Variants in NXN observed in about 807,000 individuals in gnomAD.
NXN encodes nucleoredoxin, also known as nucleoredoxin 1.
Under a neutral mutation model 48.6 loss-of-function variants are expected in NXN, and 16 were observed. The observed-to-expected ratio is 0.33, with a 90% CI of 0.22 to 0.50. NXN has a LOEUF of 0.50. NXN is among the 20% of genes least tolerant of loss of function. The probability of loss-of-function intolerance (pLI) is 0.98; values close to 1 mark genes in which losing one functional copy is unlikely to be tolerated. For missense variants in NXN, 492 were observed against 605.5 expected, an observed-to-expected ratio of 0.81 and a Z score of 1.97; for synonymous variants, 281 against 269.6, an observed-to-expected ratio of 1.04 and a Z score of -0.41.
chr17:969,622 C>T (rs1004613887), intron 1 of NXN, among the ~76,000 whole-genome samples: 1 of 152,150 alleles, frequency 6.6e-6, no homozygotes, highest in African/African-American at 2.4e-5. Context: ...AAATGAGTAA[C>T]AGATGAGGCA....
At chr17:869,720 C>T (rs1405939766) in intron 1 of NXN, among the ~76,000 whole-genome samples, 1 of 152,214 alleles carries the variant, frequency 6.6e-6, no homozygotes, top group Non-Finnish European at 1.5e-5. Context: ...GGAGGGAAGG[C>T]GGACGTGGTC....
intron 1 of NXN, among the ~76,000 whole-genome samples, chr17:827,499 T>C (rs1470743080): frequency 6.6e-6 from 1 of 152,136 alleles, no homozygotes. Context: ...GGCGGGCGCC[T>C]GTAGTCCCAG....
At chr17:972,426 G>A (rs972858897) in intron 1 of NXN, among the ~76,000 whole-genome samples, 9 of 151,752 alleles carry the variant, frequency 5.9e-5, no homozygotes, top group South Asian at 4.2e-4. Flanking sequence ...GCAGTGAGCC[G>A]AGATCGCGCC....
chr17:891,823 A>G (rs1287693538), intron 1 of NXN, among the ~76,000 whole-genome samples: 3 of 60,842 alleles, frequency 4.9e-5, no homozygotes, highest in African/African-American at 1.0e-4. Context: ...GCACAACCCA[A>G]CAAGGAACTA....
Position 826,189 on chromosome 17 carries a change from C to T in NXN, c.361-111G>A, listed in dbSNP as rs930199172. 14 of 789,020 alleles carry T rather than the reference C, an allele frequency of 1.8e-5. No individual in the cohort carries two copies. The African/African-American group carries it at 2.2e-4, about 12-fold the overall frequency. 48.9% of individuals were successfully genotyped at this position (789,020 alleles called of 1,614,324 possible). Reference sequence around the variant, plus strand: ...GGATGAACAGGCAAGCATTCAAGCACACAGAAAAGAATAATGGATGCCAAG... The same window carrying T: ...GGATGAACAGGCAAGCATTCAAGCATACAGAAAAGAATAATGGATGCCAAG... On this transcript the variant is annotated intron_variant, in intron 1 of 7. Coordinates refer to ENST00000336868, the MANE Select transcript of NXN (RefSeq NM_022463.5).
chr17:931,312 G>A (rs1420436818), intron 1 of NXN, among the ~76,000 whole-genome samples: 2 of 150,634 alleles, frequency 1.3e-5, no homozygotes, highest in Admixed American at 1.3e-4. Context: ...AATTAGCTGG[G>A]TGTGGTGGTG....
chr17:910,869 T>C (rs924342059), intron 1 of NXN: 9 of 152,106 alleles, frequency 5.9e-5, no homozygotes, highest in Non-Finnish European at 1.3e-4. Flanking sequence ...CACACAGGGA[T>C]GTAACAGGCG....
chr17:927,782 G>T (rs2068816179), intron 1 of NXN, among the ~76,000 whole-genome samples: 1 of 151,988 alleles, frequency 6.6e-6, no homozygotes, highest in Non-Finnish European at 1.5e-5. Context: ...AAAGGGACGG[G>T]CTTAGAGGGA....
chr17:950,424 G>A (rs1490327099), intron 1 of NXN, among the ~76,000 whole-genome samples: 4 of 152,080 alleles, frequency 2.6e-5, no homozygotes, highest in Non-Finnish European at 4.4e-5. Context: ...CTTATCCAAG[G>A]CAGGGAACTA....
chr17:914,465 C>T (rs117252392), intron 1 of NXN, among the ~76,000 whole-genome samples: 475 of 152,258 alleles, frequency 3.1e-3, no homozygotes, highest in Non-Finnish European at 4.6e-3. Flanking sequence ...CTACCACGCC[C>T]GGCCAGAAGG....
chr17:890,637 GC>G (rs990927603), intron 1 of NXN, among the ~76,000 whole-genome samples: 4 of 151,838 alleles, frequency 2.6e-5, no homozygotes, highest in African/African-American at 9.7e-5. Flanking sequence ...CACCTCGGCC[GC>G]CCAAAGTGCT....
chr17:835,128 G>GA (rs1358841279), intron 1 of NXN, among the ~76,000 whole-genome samples: 1 of 150,438 alleles, frequency 6.6e-6, no homozygotes, highest in Non-Finnish European at 1.5e-5. Flanking sequence ...CTAACATGGT[G>GA]AAACCCTGTC....
chr17:847,855 T>G (rs2067881555), intron 1 of NXN, among the ~76,000 whole-genome samples: 1 of 152,194 alleles, frequency 6.6e-6, no homozygotes, highest in African/African-American at 2.4e-5. Flanking sequence ...TTTGAATTTA[T>G]GCATCCAAGT....
chr17:947,402 C>T (rs1365287698), intron 1 of NXN, among the ~76,000 whole-genome samples: 1 of 152,134 alleles, frequency 6.6e-6, no homozygotes, highest in Admixed American at 6.6e-5. Flanking sequence ...TCTGTACCCA[C>T]AGGTTCTACA....
chr17:926,074 T>C (rs2068794774), intron 1 of NXN, among the ~76,000 whole-genome samples: 1 of 152,372 alleles, frequency 6.6e-6, no homozygotes, highest in South Asian at 2.1e-4. Context: ...ATCTATGTCT[T>C]AGCAGAATTA....
intron 1 of NXN, among the ~76,000 whole-genome samples, chr17:975,563 C>A (rs2069448489): frequency 6.6e-6 from 1 of 152,148 alleles, no homozygotes; most frequent in Admixed American, 6.6e-5. Flanking sequence ...GACCAGGGTC[C>A]CCTGACTCTG....
chr17:872,281 C>A (rs1597681551), intron 1 of NXN, among the ~76,000 whole-genome samples: 1 of 148,258 alleles, frequency 6.7e-6, no homozygotes, highest in African/African-American at 2.5e-5. Context: ...AGGAGAGAGA[C>A]AGAGGAACAC....
chr17:831,649 G>A (rs1002262640), intron 1 of NXN, among the ~76,000 whole-genome samples: 5 of 151,598 alleles, frequency 3.3e-5, no homozygotes, highest in Admixed American at 1.3e-4. Flanking sequence ...ACAGGCATTC[G>A]CCACCACACC....
chr17:800,894 G>T lies in NXN; in HGVS notation c.*55C>A. ...GTAAGTCCAAGGGCGGAAGGAAGGA[G>T]GGGGAGGAGGAGAAGGCTGAGTTTT... On this transcript the variant is annotated 3_prime_UTR_variant, in exon 8 of 8. Coordinates refer to ENST00000336868, the MANE Select transcript of NXN (RefSeq NM_022463.5). The T allele has an allele frequency of 7.9e-7, 1 of 1,259,080 alleles. No homozygotes were observed. Among genetic ancestry groups the T allele is most frequent in the Non-Finnish European group, 1.0e-6 (1 of 953,574 alleles). 78.0% of individuals were successfully genotyped at this position (1,259,080 alleles called of 1,614,324 possible). A position where few individuals can be genotyped will look rare whatever the true frequency, so the allele number is the denominator to read the frequency against.
Sources: allele counts gnomAD v4.1 joint callset (sites outside exome capture counted in the v4.1 genomes callset), GRCh38; gene constraint gnomAD v4.1.1; transcripts MANE v1.5; gene names NCBI Gene and HGNC (gene_info 2026-07-23, HGNC 2026-07-21).